Variants in DSCAML1 observed in about 807,000 individuals in gnomAD.
DSCAML1 encodes DS cell adhesion molecule like 1, also known as cell adhesion molecule DSCAML1.
A neutral mutation model predicts 200.5 loss-of-function variants in DSCAML1; 38 were observed. The ratio of observed to expected loss-of-function variants is 0.19; its 90% CI spans 0.15 to 0.25. DSCAML1 has a LOEUF of 0.25. Among genes scored for constraint, DSCAML1 ranks in the 10% least tolerant of loss-of-function variants. The pLI, the probability that DSCAML1 is intolerant of heterozygous loss-of-function variation, is 1.00. For synonymous variants in DSCAML1, 1,215 were observed against 1,165.0 expected, an observed-to-expected ratio of 1.04 and a Z score of -0.87; for missense variants, 2,223 against 2,858.8, an observed-to-expected ratio of 0.78 and a Z score of 5.07.
chr11:117,789,725 A>G (rs889940077), intron 1 of DSCAML1, among the ~76,000 whole-genome samples: 1 of 152,142 alleles, frequency 6.6e-6, no homozygotes, highest in African/African-American at 2.4e-5. Context: ...TGTCAAGTGG[A>G]AGAGGGCTTT....
At chr11:117,776,995 C>A (rs191056207) in intron 2 of DSCAML1, 58 bp from the exon 3 acceptor site, 1 of 1,586,756 alleles carries the variant, frequency 6.3e-7, no homozygotes. Context: ...GGTGAGGGTC[C>A]CCAGAAAGGA....
At chr11:117,668,630 A>G (rs1300251306) in intron 3 of DSCAML1, 2 of 152,070 alleles carry the variant, frequency 1.3e-5, no homozygotes, top group African/African-American at 4.8e-5. Context: ...AGGCAGAGAG[A>G]GCTTGCCCTC....
rs141240139 is a variant in DSCAML1 at position 117,814,194 on chromosome 11, C to A, written c.-250+3196G>T. ...TAATTTTCCATTATCTTCCCAAATC[C>A]TATAAAACGGCCCCACCCCTATCTC... On this transcript the variant is annotated intron_variant, in intron 1 of 2. Coordinates refer to the DSCAML1 transcript ENST00000525836. Among the ~76,000 whole-genome samples, 3 of 152,254 alleles carry A rather than the reference C, an allele frequency of 2.0e-5. No homozygotes were observed. The East Asian group carries it at 5.8e-4, about 29-fold the overall frequency.
rs1178043763 is a variant in DSCAML1, at chr11:117,516,903, TAC to T, written c.1511-166_1511-165del. Reference sequence around the variant, plus strand: ...GCACAGGGATGCCTTTTTACAAAGCTACAGACAGGGGCTGGAATTGGGGGGTG... The same window carrying T: ...GCACAGGGATGCCTTTTTACAAAGCTAGACAGGGGCTGGAATTGGGGGGTG... On this transcript the variant is annotated intron_variant, in intron 7 of 32. Transcript: ENST00000651296. The surrounding 1 kb of genome is among the most constrained non-coding windows in gnomAD (Gnocchi z 5.7). Among the ~76,000 whole-genome samples the T allele has an allele frequency of 1.3e-5, 2 of 152,120 alleles. No homozygotes were observed. The highest frequency in any genetic ancestry group is 6.5e-5 in the Admixed American group (1 of 15,284).
chr11:117,597,900 C>T (rs1329347549), intron 3 of DSCAML1, among the ~76,000 whole-genome samples: 3 of 133,398 alleles, frequency 2.2e-5, no homozygotes, highest in Non-Finnish European at 3.1e-5. Flanking sequence ...GGAATATTGT[C>T]TTTACTTAAA....
At chr11:117,724,632 T>C (rs1365859048) in intron 3 of DSCAML1, among the ~76,000 whole-genome samples, 4 of 152,364 alleles carry the variant, frequency 2.6e-5, no homozygotes, top group South Asian at 4.1e-4. Context: ...TCTGGTTGCA[T>C]TGTGGCTCCT....
At chr11:117,726,405 G>GA (rs1199362247) in intron 3 of DSCAML1, among the ~76,000 whole-genome samples, 5 of 151,814 alleles carry the variant, frequency 3.3e-5, no homozygotes, top group Admixed American at 6.6e-5. Flanking sequence ...GTTAGTATAG[G>GA]AAAAAATCCC....
chr11:117,503,349 G>C lies in DSCAML1; in HGVS notation c.2359+496C>G, dbSNP rs145163124. Among the ~76,000 whole-genome samples, 270 of 152,282 alleles carry C rather than the reference G, an allele frequency of 1.8e-3. 1 individual carries two copies. Among genetic ancestry groups the C allele is most frequent in the East Asian group, 9.4e-3 (49 of 5,186 alleles). ...AGGTGAGGAAACTGGAGCACAGGGA[G>C]GGGGAGTGACTCGCCCAAGGTCACT... On this transcript the variant is annotated intron_variant, in intron 11 of 32. Coordinates refer to ENST00000651296, the MANE Select transcript of DSCAML1 (RefSeq NM_020693.4). The surrounding 1 kb of genome is among the most constrained non-coding windows in gnomAD (Gnocchi z 5.2).
At chr11:117,547,475 C>T (rs1017735225) in intron 3 of DSCAML1, among the ~76,000 whole-genome samples, 2 of 141,316 alleles carry the variant, frequency 1.4e-5, no homozygotes, top group African/African-American at 2.7e-5. Flanking sequence ...CCTGAAGGAC[C>T]GCCCTACACC....
At chr11:117,449,840 GA>G (rs11285104) in intron 20 of DSCAML1, among the ~76,000 whole-genome samples, 89,641 of 151,954 alleles carry the variant, frequency 0.59, 26,858 homozygotes, top group African/African-American at 0.69. Flanking sequence ...GAAAGAGGCA[GA>G]GGGGAAAATA....
intron 3 of DSCAML1, among the ~76,000 whole-genome samples, chr11:117,560,301 G>C (rs1364272259): frequency 1.3e-5 from 2 of 152,140 alleles, no homozygotes; most frequent in African/African-American, 4.8e-5. Flanking sequence ...GCAACTTCAG[G>C]AGGTGCGCCA....
chr11:117,733,141 T>C (rs2054254480), intron 3 of DSCAML1, among the ~76,000 whole-genome samples: 1 of 36,188 alleles, frequency 2.8e-5, no homozygotes, highest in African/African-American at 4.3e-5. Flanking sequence ...CAGGAGGACA[T>C]GCGGGGGAAG....
intron 3 of DSCAML1, among the ~76,000 whole-genome samples, chr11:117,711,899 T>C (rs2053856184): frequency 6.6e-6 from 1 of 152,232 alleles, no homozygotes; most frequent in South Asian, 2.1e-4. Context: ...AAGCAGCTTT[T>C]TGAATCTCCA....
At chr11:117,677,351 C>T (rs990308986) in intron 3 of DSCAML1, among the ~76,000 whole-genome samples, 2 of 152,094 alleles carry the variant, frequency 1.3e-5, no homozygotes, top group East Asian at 1.9e-4. Context: ...GAATGGGCAT[C>T]GAATGAGATG....
chr11:117,449,675 C>T (rs574499336), intron 20 of DSCAML1, among the ~76,000 whole-genome samples: 9 of 152,312 alleles, frequency 5.9e-5, no homozygotes, highest in African/African-American at 2.2e-4. Context: ...CCTGACAGTA[C>T]TCCTGCCCCT....
chr11:117,544,780 T>G (rs915747142), intron 3 of DSCAML1, among the ~76,000 whole-genome samples: 3 of 152,186 alleles, frequency 2.0e-5, no homozygotes. Flanking sequence ...GCTCTAGGTT[T>G]TAGATCCTCC....
At chr11:117,790,401 T>C (rs1002403688) in intron 1 of DSCAML1, among the ~76,000 whole-genome samples, 2 of 152,220 alleles carry the variant, frequency 1.3e-5, no homozygotes, top group South Asian at 2.1e-4. Context: ...AGGAAGACTA[T>C]TGCCAGCCTG....
chr11:117,517,396 C>T (rs947125806), intron 7 of DSCAML1, among the ~76,000 whole-genome samples: 1 of 152,062 alleles, frequency 6.6e-6, no homozygotes, highest in Non-Finnish European at 1.5e-5. Flanking sequence ...CAGAGGCTAC[C>T]AAGCAAGACA....
In DSCAML1 at chr11:117,504,578, G is replaced by A. The variant is rs1246664653; in HGVS notation, c.2182+346C>T. Among the ~76,000 whole-genome samples the A allele has an allele frequency of 6.6e-6, 1 of 152,184 alleles. No individual in the cohort carries two copies. The highest frequency in any genetic ancestry group is 1.5e-5 in the Non-Finnish European group (1 of 68,022). On this transcript the variant is annotated intron_variant, in intron 10 of 32. Coordinates refer to ENST00000651296, the MANE Select transcript of DSCAML1 (RefSeq NM_020693.4). The surrounding 1 kb of genome is among the most constrained non-coding windows in gnomAD (Gnocchi z 5.0). ...CCCTGACCCCAGAAAAGGTTGACTG[G>A]TGAGAAGCAGGGGGCTTTGAGGCTC...
Sources: allele counts gnomAD v4.1 joint callset (sites outside exome capture counted in the v4.1 genomes callset), GRCh38; gene constraint gnomAD v4.1.1; non-coding constraint Gnocchi (gnomAD v3.1); transcripts MANE v1.5; gene names NCBI Gene and HGNC (gene_info 2026-07-23, HGNC 2026-07-21).